ZEB2: variants seen among roughly 807,000 people sequenced by gnomAD.
ZEB2 encodes the protein zinc finger E-box binding homeobox 2.
A neutral mutation model predicts 99.9 loss-of-function variants in ZEB2; 6 were observed. The observed-to-expected ratio is 0.06, with a 90% CI of 0.03 to 0.12. ZEB2 has a LOEUF of 0.12. Among genes scored for constraint, ZEB2 ranks in the 10% least tolerant of loss-of-function variants. The pLI is 1.00. For synonymous variants in ZEB2, 517 were observed against 542.5 expected, an observed-to-expected ratio of 0.95 and a Z score of 0.65; for missense variants, 969 against 1,502.8, an observed-to-expected ratio of 0.64 and a Z score of 5.87.
chr2:144,391,898 T>G (rs954107782), intron 9 of ZEB2, among the ~76,000 whole-genome samples: 2 of 152,178 alleles, frequency 1.3e-5, no homozygotes, highest in African/African-American at 4.8e-5. Context: ...TCAGGATCAG[T>G]AGGTAAAAGG....
chr2:144,397,393 G>A (rs1306315906), intron 8 of ZEB2, among the ~76,000 whole-genome samples: 5 of 152,202 alleles, frequency 3.3e-5, no homozygotes, highest in Admixed American at 3.3e-4. Flanking sequence ...TGGAACAGCT[G>A]TTACAGAGGT....
chr2:144,467,850 A>G (rs1237840960), intron 2 of ZEB2, among the ~76,000 whole-genome samples: 1 of 152,154 alleles, frequency 6.6e-6, no homozygotes, highest in Non-Finnish European at 1.5e-5. Context: ...CCCCTTTCCT[A>G]CAAATCAGAA....
intron 2 of ZEB2, among the ~76,000 whole-genome samples, chr2:144,489,531 CTACTT>C (rs529489067): frequency 1.7e-3 from 252 of 152,320 alleles, no homozygotes; most frequent in African/African-American, 5.7e-3. Context: ...AATCTCCTCT[CTACTT>C]TATTTCATTT....
chr2:144,497,933 T>C (rs192737502), intron 2 of ZEB2, among the ~76,000 whole-genome samples: 1,163 of 14,090 alleles, frequency 0.083, 21 homozygotes, highest in East Asian at 0.31. Context: ...ATATAATATA[T>C]ATTAATATTA....
intron 1 of ZEB2, chr2:144,517,659 A>G (rs1429089913): frequency 2.9e-6 from 2 of 692,704 alleles, no homozygotes; most frequent in East Asian, 5.5e-5. Flanking sequence ...CAAGAATTAC[A>G]TCTTCAAAAT....
chr2:144,486,787 C>G (rs1248333726), intron 2 of ZEB2, among the ~76,000 whole-genome samples: 1 of 152,072 alleles, frequency 6.6e-6, no homozygotes, highest in Non-Finnish European at 1.5e-5. Context: ...TCAAAACATG[C>G]AAAACACTGG....
At chr2:144,426,029 CTCTT>C (rs1016596116) in intron 3 of ZEB2, among the ~76,000 whole-genome samples, 1 of 152,052 alleles carries the variant, frequency 6.6e-6, no homozygotes, top group Non-Finnish European at 1.5e-5. Context: ...TGCAGCAAAT[CTCTT>C]TATGGAATCA....
intron 4 of ZEB2, among the ~76,000 whole-genome samples, chr2:144,417,558 C>G (rs1456733595): frequency 6.6e-6 from 1 of 152,098 alleles, no homozygotes; most frequent in African/African-American, 2.4e-5. Context: ...CAGGTTTATC[C>G]ATGTTGCTGC....
chr2:144,512,444 T>C, intron 2 of ZEB2: 1 of 1,287,238 alleles, frequency 7.8e-7, no homozygotes, highest in Non-Finnish European at 1.0e-6. Context: ...ATTCTTAATA[T>C]GGCATCAAGG....
chr2:144,440,699 TG>T (rs1316995119), intron 2 of ZEB2, among the ~76,000 whole-genome samples: 1 of 151,650 alleles, frequency 6.6e-6, no homozygotes, highest in South Asian at 2.1e-4. Flanking sequence ...AGTGGGTGGC[TG>T]GGGGGACCCT....
At chr2:144,414,761 G>A (rs894980337) in intron 4 of ZEB2, among the ~76,000 whole-genome samples, 1 of 152,202 alleles carries the variant, frequency 6.6e-6, no homozygotes, top group Non-Finnish European at 1.5e-5. Flanking sequence ...CAACATGAGA[G>A]AAAGAGGCAA....
chr2:144,389,074 G>T lies in ZEB2; in HGVS notation c.*377C>A. The T allele has an allele frequency of 4.2e-6, 2 of 480,110 alleles. No individual in the cohort carries two copies. Among genetic ancestry groups the T allele is most frequent in the South Asian group, 2.8e-5 (1 of 36,216 alleles). 29.7% of individuals were successfully genotyped at this position (480,110 alleles called of 1,614,324 possible). On this transcript the variant is annotated 3_prime_UTR_variant, in exon 10 of 10. Coordinates refer to ENST00000627532, the MANE Select transcript of ZEB2 (RefSeq NM_014795.4). The surrounding 1 kb of genome is among the most constrained non-coding windows in gnomAD (Gnocchi z 6.8). ...TAAAAATACTGATGTATGGTAGTGC[G>T]GGCACCTTTTTAAAATGTATTAATA...
At chr2:144,467,833 G>C (rs1470981932) in intron 2 of ZEB2, among the ~76,000 whole-genome samples, 2 of 152,172 alleles carry the variant, frequency 1.3e-5, no homozygotes, top group African/African-American at 4.8e-5. Context: ...AGCTTACTCA[G>C]TCTTGCCCCC....
At chr2:144,483,777 C>T (rs1360531100) in intron 2 of ZEB2, among the ~76,000 whole-genome samples, 1 of 152,162 alleles carries the variant, frequency 6.6e-6, no homozygotes, top group Non-Finnish European at 1.5e-5. Context: ...ACCTCAAAGG[C>T]TATCTTTGCT....
At chr2:144,499,907 GT>G (rs1704845239) in intron 2 of ZEB2, among the ~76,000 whole-genome samples, 1 of 152,180 alleles carries the variant, frequency 6.6e-6, no homozygotes, top group African/African-American at 2.4e-5. Flanking sequence ...CTTTTAGAAA[GT>G]AAAAAACTGA....
chr2:144,401,383 G>A, intron 6 of ZEB2, 76 bp from the exon 7 acceptor site: 1 of 1,463,968 alleles, frequency 6.8e-7, no homozygotes, highest in Non-Finnish European at 9.6e-7. Flanking sequence ...TTTTTAAAAG[G>A]CCTCTGTTTT....
intron 2 of ZEB2, among the ~76,000 whole-genome samples, chr2:144,438,548 C>T (rs905643112): frequency 6.6e-6 from 1 of 152,018 alleles, no homozygotes; most frequent in Non-Finnish European, 1.5e-5. Context: ...AAGTATGGGT[C>T]GTTACAAACT....
intron 2 of ZEB2, among the ~76,000 whole-genome samples, chr2:144,441,667 T>C (rs943788577): frequency 5.9e-5 from 9 of 152,304 alleles, no homozygotes; most frequent in African/African-American, 2.2e-4. Flanking sequence ...CCCTAATTCT[T>C]TGGGAAATAA....
At chr2:144,403,367 T>C (rs952465155) in intron 6 of ZEB2, among the ~76,000 whole-genome samples, 10 of 152,120 alleles carry the variant, frequency 6.6e-5, no homozygotes, top group Non-Finnish European at 1.3e-4. Context: ...TAATCCAATT[T>C]ATTTTATATA....
Sources: gnomAD v4.1 joint callset for allele counts (sites outside exome capture counted in the v4.1 genomes callset) on GRCh38, gnomAD v4.1.1 for gene constraint, Gnocchi (gnomAD v3.1) non-coding constraint, MANE v1.5 for transcripts, NCBI Gene and HGNC (gene_info 2026-07-23, HGNC 2026-07-21) for gene names.